Variants in CHSY3 observed in about 807,000 individuals in gnomAD.
CHSY3 encodes the protein N-acetylgalactosaminyl-proteoglycan 3-beta-glucuronosyltransferase 3.
A neutral mutation model predicts 67.2 loss-of-function variants in CHSY3; 35 were observed. The ratio of observed to expected loss-of-function variants is 0.52; its 90% confidence interval spans 0.40 to 0.69. The LOEUF is 0.69. Among genes scored for constraint, CHSY3 ranks in the 30% least tolerant of loss-of-function variants. CHSY3 has a pLI of 0.00. For missense variants in CHSY3, 1,069 were observed against 1,138.5 expected (o/e 0.94, Z 0.88); for synonymous variants, 474 against 434.7 (o/e 1.09, Z -1.12).
intron 2 of CHSY3, among the ~76,000 whole-genome samples, chr5:130,017,180 G>A (rs1454212320): frequency 6.7e-6 from 1 of 149,540 alleles, no homozygotes; most frequent in South Asian, 2.1e-4. Flanking sequence ...GCCGGCAGTT[G>A]TTTTTTTTTT....
At chr5:130,102,968 A>C (rs1013822857) in intron 2 of CHSY3, among the ~76,000 whole-genome samples, 1 of 152,084 alleles carries the variant, frequency 6.6e-6, no homozygotes, top group Admixed American at 6.6e-5. Context: ...CAAGGAAGAA[A>C]ATATGGGTTA....
intron 2 of CHSY3, among the ~76,000 whole-genome samples, chr5:129,955,283 C>T (rs1762139311): frequency 6.6e-6 from 1 of 152,084 alleles, no homozygotes; most frequent in Non-Finnish European, 1.5e-5. Context: ...TTGGAGACAT[C>T]TTCTGGTGCC....
intron 2 of CHSY3, among the ~76,000 whole-genome samples, chr5:130,069,142 C>A (rs999589151): frequency 1.3e-4 from 20 of 151,952 alleles, no homozygotes; most frequent in Admixed American, 6.6e-5. Context: ...ACTGAAGAGG[C>A]AAAACAGTGC....
Position 129,997,122 on chromosome 5 carries a change from A to T in CHSY3, c.1086+88762A>T, listed in dbSNP as rs1169918779. ...ATTTCTCAGATGATTCAAAGCATTT[A>T]AAAAAAAAAAAAAACTCTAGCTCTT... On this transcript the variant is annotated intron_variant, in intron 2 of 2. Coordinates refer to ENST00000305031, the MANE Select transcript of CHSY3 (RefSeq NM_175856.5). 2.0e-4 allele frequency among the ~76,000 whole-genome samples: 6 copies of T among 29,350 alleles called. No homozygotes were observed. The East Asian group carries it at 4.5e-3, about 22-fold the overall frequency. The allele number at this position is 29,350 out of a possible 152,430, so 19.3% of individuals were successfully genotyped here. A position where few individuals can be genotyped will look rare whatever the true frequency, so the allele number is the denominator to read the frequency against.
chr5:130,080,126 A>G (rs188981856), intron 2 of CHSY3, among the ~76,000 whole-genome samples: 1 of 152,036 alleles, frequency 6.6e-6, no homozygotes, highest in Admixed American at 6.6e-5. Flanking sequence ...ATATACATAA[A>G]ATGTATATCT....
chr5:130,091,969 C>T (rs1766894634), intron 2 of CHSY3, among the ~76,000 whole-genome samples: 1 of 152,142 alleles, frequency 6.6e-6, no homozygotes, highest in Non-Finnish European at 1.5e-5. Context: ...GGGGAGTCCA[C>T]AGAGAGAGAC....
intron 2 of CHSY3, among the ~76,000 whole-genome samples, chr5:129,999,318 T>C (rs943031552): frequency 1.3e-5 from 2 of 152,180 alleles, no homozygotes; most frequent in African/African-American, 4.8e-5. Context: ...CAATATTATT[T>C]CATTGTTCCT....
At chr5:129,993,011 T>C (rs868669367) in intron 2 of CHSY3, among the ~76,000 whole-genome samples, 52 of 152,192 alleles carry the variant, frequency 3.4e-4, no homozygotes, top group Non-Finnish European at 3.7e-4. Flanking sequence ...CACAAACTTT[T>C]GTTCTGGTGG....
At chr5:129,941,369 CTCTT>C (rs1332477415) in intron 2 of CHSY3, among the ~76,000 whole-genome samples, 19 of 152,008 alleles carry the variant, frequency 1.2e-4, no homozygotes, top group African/African-American at 4.6e-4. Flanking sequence ...AAATCATAGA[CTCTT>C]TATTCATTAT....
intron 2 of CHSY3, among the ~76,000 whole-genome samples, chr5:130,154,512 T>C (rs890978188): frequency 6.6e-6 from 1 of 152,208 alleles, no homozygotes; most frequent in Non-Finnish European, 1.5e-5. Context: ...CAGTGCCTTC[T>C]TAAATGCCAT....
At chr5:130,023,924 C>T (rs1029483825) in intron 2 of CHSY3, among the ~76,000 whole-genome samples, 6 of 151,940 alleles carry the variant, frequency 3.9e-5, no homozygotes, top group East Asian at 1.9e-4. Flanking sequence ...TTCCCCGCCC[C>T]CCCAATAGCT....
intron 2 of CHSY3, among the ~76,000 whole-genome samples, chr5:130,090,083 A>G (rs1052578051): frequency 6.6e-6 from 1 of 152,068 alleles, no homozygotes; most frequent in African/African-American, 2.4e-5. Flanking sequence ...CACTCCAGGT[A>G]CTAATACCAA....
chr5:130,155,578 T>C (rs1251435519), intron 2 of CHSY3, among the ~76,000 whole-genome samples: 2 of 152,198 alleles, frequency 1.3e-5, no homozygotes, highest in Admixed American at 6.5e-5. Flanking sequence ...TCTAAGATGA[T>C]TAACTGTTTA....
At chr5:129,991,361 A>C (rs1393662290) in intron 2 of CHSY3, among the ~76,000 whole-genome samples, 2 of 152,124 alleles carry the variant, frequency 1.3e-5, no homozygotes, top group Non-Finnish European at 2.9e-5. Context: ...TTCTGAGGGA[A>C]ATGAGAGTGA....
At chr5:129,951,003 T>C (rs1384239855) in intron 2 of CHSY3, among the ~76,000 whole-genome samples, 1 of 152,164 alleles carries the variant, frequency 6.6e-6, no homozygotes, top group Non-Finnish European at 1.5e-5. Context: ...ATTACACAGC[T>C]ATAGTACTCA....
rs561022015 is a variant in CHSY3, at chr5:129,992,461, T to A, written c.1086+84101T>A. 2.6e-5 allele frequency among the ~76,000 whole-genome samples: 4 copies of A among 152,314 alleles called. No homozygotes were observed. The East Asian group carries it at 5.8e-4, about 22-fold the overall frequency. ...TTTTTAATTACCAAAGCATGCTGAA[T>A]TAAACTACAAATACCAGATAAGACA... On this transcript the variant is annotated intron_variant, in intron 2 of 2. Transcript: ENST00000305031.
intron 2 of CHSY3, among the ~76,000 whole-genome samples, chr5:129,989,262 C>CTTTTT (rs10632773): frequency 7.2e-6 from 1 of 138,280 alleles, no homozygotes; most frequent in East Asian, 2.1e-4. Context: ...CAAACTTGTT[C>CTTTTT]TTTTTTTTTT....
At chr5:130,158,861 A>G (rs114856634) in intron 2 of CHSY3, among the ~76,000 whole-genome samples, 3,296 of 152,232 alleles carry the variant, frequency 0.022, 116 homozygotes, top group African/African-American at 0.073. Flanking sequence ...GTGCAGTGCT[A>G]TGATCACAGC....
At chr5:130,152,679 C>G (rs1769264201) in intron 2 of CHSY3, among the ~76,000 whole-genome samples, 1 of 152,122 alleles carries the variant, frequency 6.6e-6, no homozygotes, top group East Asian at 1.9e-4. Context: ...CCTTTGAAAG[C>G]AACAGATAAG....
Sources: gnomAD v4.1 joint callset for allele counts (sites outside exome capture counted in the v4.1 genomes callset) on GRCh38, gnomAD v4.1.1 for gene constraint, MANE v1.5 for transcripts, NCBI Gene and HGNC (gene_info 2026-07-23, HGNC 2026-07-21) for gene names.